The following ELMO2 variants were observed in gnomAD, a reference collection of about 807,000 sequenced individuals.
The protein encoded by ELMO2 is engulfment and cell motility protein 2.
Under a neutral mutation model 96.2 loss-of-function variants are expected in ELMO2, and 37 were observed. The ratio of observed to expected loss-of-function variants is 0.38; its 90% CI spans 0.30 to 0.51. The LOEUF is 0.51. ELMO2 is among the 20% of genes least tolerant of loss of function. ELMO2 has a pLI of 0.88. For synonymous variants in ELMO2, 315 were observed against 329.4 expected, an observed-to-expected ratio of 0.96 and a Z score of 0.47; for missense variants, 561 against 912.6, an observed-to-expected ratio of 0.61 and a Z score of 4.96.
intron 7 of ELMO2, among the ~76,000 whole-genome samples, chr20:46,388,509 CT>C (rs1402795265): frequency 4.6e-5 from 7 of 152,134 alleles, no homozygotes; most frequent in African/African-American, 1.7e-4. Flanking sequence ...TCACAAAGTT[CT>C]GGTCTCCTCC....
At position 46,374,373 on chromosome 20, in the gene ELMO2, AG is replaced by A. The variant is rs755207825; in HGVS notation, c.1237del (p.Leu413SerfsTer44). ...CAGGATTTCACAGAGCATTTTGGTG[AG>A]CTCAATGGCACTGCGGCCAAAGGGG... ...ECPFGRSAIELTKMLCEILQV... is the reference protein window; with the variant it reads ...ECPFGRSAIEXTKMLCEILQV... On this transcript the variant is annotated frameshift_variant, in exon 15 of 22. Coordinates refer to ENST00000290246, the MANE Select transcript of ELMO2 (RefSeq NM_133171.5). LOFTEE classifies it high-confidence loss of function. The A allele has an allele frequency of 6.2e-7, 1 of 1,614,124 alleles. No homozygotes were observed. The highest frequency in any genetic ancestry group is 8.5e-7 in the Non-Finnish European group (1 of 1,180,008).
chr20:46,381,784 GTCGATTGTCTAAACCTTT>G (rs1568764150), intron 10 of ELMO2, among the ~76,000 whole-genome samples: 1 of 152,180 alleles, frequency 6.6e-6, no homozygotes, highest in African/African-American at 2.4e-5. Context: ...ATTCCCTTTT[GTCGATTGTCTAAACCTTT>G]TCGGATTCCC....
chr20:46,394,815 A>G (rs1242208799), intron 2 of ELMO2, among the ~76,000 whole-genome samples: 1 of 152,254 alleles, frequency 6.6e-6, no homozygotes, highest in East Asian at 1.9e-4. Context: ...ACTCAGTGGT[A>G]GAGGAATGTA....
rs2059659420 is a variant in ELMO2, at chr20:46,369,809, G to T, written c.1884+634C>A. ...ACGGGGAAACAATCAGCAAAATTCA[G>T]ATGCTAGGAAACTACCAAACAAGCA... On this transcript the variant is annotated intron_variant, in intron 20 of 21. Coordinates refer to ENST00000290246, the MANE Select transcript of ELMO2 (RefSeq NM_133171.5). 3 of 185,174 alleles carry T rather than the reference G, an allele frequency of 1.6e-5. No homozygotes were observed. In the South Asian group the frequency reaches 2.7e-4, roughly 17 times the overall value. 11.5% of individuals were successfully genotyped at this position (185,174 alleles called of 1,614,324 possible).
intron 11 of ELMO2, 137 bp downstream of exon 11, chr20:46,380,116 C>G: frequency 1.4e-6 from 1 of 719,390 alleles, no homozygotes. Flanking sequence ...CTATTCAGTT[C>G]AAGAGGTATT....
In ELMO2 at chr20:46,387,383, AT is replaced by A; in HGVS notation, c.479del (p.His160LeufsTer21). On this transcript the variant is annotated frameshift_variant, in exon 8 of 22. Coordinates refer to ENST00000290246, the MANE Select transcript of ELMO2 (RefSeq NM_133171.5). LOFTEE classifies it high-confidence loss of function. ...TLTAFLELMD[H>X]GIVSWDMVSI... The stretch of plus-strand genomic sequence containing the variant: ...AAACCATGTCCCAGGAGACAATGCC[AT>A]GGTCCATGAGCTCTAGGAAGGCAGT... 1 of 1,614,134 alleles carries A rather than the reference AT, an allele frequency of 6.2e-7. No homozygotes were observed. Among genetic ancestry groups the A allele is most frequent in the Non-Finnish European group, 8.5e-7 (1 of 1,179,998 alleles).
intron 5 of ELMO2, 25 bp from the exon 6 acceptor site, chr20:46,393,168 A>G (rs759794864): frequency 1.2e-6 from 2 of 1,610,076 alleles, no homozygotes; most frequent in Admixed American, 1.7e-5. Flanking sequence ...ATAAACAAAA[A>G]AAGTAACTAA....
chr20:46,392,641 C>T (rs2060172596), intron 6 of ELMO2, among the ~76,000 whole-genome samples: 1 of 152,226 alleles, frequency 6.6e-6, no homozygotes, highest in Non-Finnish European at 1.5e-5. Context: ...CTGCTACAAG[C>T]CTCCAGCCAC....
At chr20:46,373,664 C>G (rs543962709) in intron 15 of ELMO2, 129 bp from the exon 16 acceptor site, 10 of 1,180,920 alleles carry the variant, frequency 8.5e-6, no homozygotes, top group Non-Finnish European at 1.2e-5. Context: ...TAACAGGGAG[C>G]GTGGGATGGG....
chr20:46,394,646 C>A (rs1396794482), intron 2 of ELMO2, 114 bp from the exon 3 acceptor site: 14 of 774,598 alleles, frequency 1.8e-5, no homozygotes. Flanking sequence ...CATGAAACTA[C>A]CTGGTTTGAA....
At position 46,375,888 on chromosome 20, in the gene ELMO2, A is replaced by G; in HGVS notation, c.808-98T>C. On this transcript the variant is annotated intron_variant, in intron 11 of 21. Transcript: ENST00000290246. This position sits in a 1 kb window ranked among gnomAD's most constrained non-coding sequence, Gnocchi z 4.6. ...GAAAAGGAATGTATGTTGGGAAGGG[A>G]ACAGAGCTTTCCTCCCACACACGAG... 1 of 1,504,524 alleles carries G rather than the reference A, an allele frequency of 6.6e-7. No homozygotes were observed. Among genetic ancestry groups the G allele is most frequent in the South Asian group, 1.2e-5 (1 of 81,660 alleles). The allele number at this position is 1,504,524 out of a possible 1,614,324, so 93.2% of individuals were successfully genotyped here.
chr20:46,394,261 A>C (rs2060206923), intron 3 of ELMO2, 144 bp downstream of exon 3: 1 of 1,127,034 alleles, frequency 8.9e-7, no homozygotes, highest in Admixed American at 2.0e-5. Context: ...GACCTTCCCT[A>C]GGGTGGGCCA....
At chr20:46,374,226 A>G (rs2059802495) in intron 15 of ELMO2, 106 bp downstream of exon 15, 1 of 859,022 alleles carries the variant, frequency 1.2e-6, no homozygotes, top group Non-Finnish European at 1.9e-6. Context: ...ACAGGTGTGA[A>G]CCACCACGCC....
chr20:46,391,725 C>G (rs746831713), intron 6 of ELMO2, among the ~76,000 whole-genome samples: 2 of 152,126 alleles, frequency 1.3e-5, no homozygotes, highest in Non-Finnish European at 2.9e-5. Context: ...TCCATCTGAA[C>G]ACATTCTTAA....
intron 6 of ELMO2, 113 bp from the exon 7 acceptor site, chr20:46,389,333 T>C: frequency 9.1e-7 from 1 of 1,095,976 alleles, no homozygotes; most frequent in Non-Finnish European, 1.3e-6. Context: ...CAGAACTAGT[T>C]TTTTCACACA....
chr20:46,374,681 C>T, intron 13 of ELMO2, 41 bp from the exon 14 acceptor site: 1 of 1,587,104 alleles, frequency 6.3e-7, no homozygotes, highest in Non-Finnish European at 8.6e-7. Context: ...GCGGCAGTCT[C>T]CGTGTATGCA....
In ELMO2 at chr20:46,390,191, T is replaced by C. The variant is rs2060127552; in HGVS notation, c.244-971A>G. On this transcript the variant is annotated intron_variant, in intron 6 of 21. Coordinates refer to ENST00000290246, the MANE Select transcript of ELMO2 (RefSeq NM_133171.5). ...TAAAATAAAATAAAATTTATAAAAC[T>C]GTTAGACAGCAGAAGAGGTTTCTCT... Among the ~76,000 whole-genome samples, 5 of 152,028 alleles carry C rather than the reference T, an allele frequency of 3.3e-5. No homozygotes were observed. In the South Asian group the frequency reaches 1.0e-3, roughly 32 times the overall value.
At chr20:46,387,862 T>C (rs1367212831) in intron 7 of ELMO2, 2 of 155,326 alleles carry the variant, frequency 1.3e-5, no homozygotes, top group Admixed American at 6.5e-5. Flanking sequence ...CTGTCCACCT[T>C]ACTAACCAAG....
chr20:46,384,870 G>C (rs956944892), intron 9 of ELMO2, among the ~76,000 whole-genome samples: 2 of 151,924 alleles, frequency 1.3e-5, no homozygotes, highest in African/African-American at 4.8e-5. Flanking sequence ...GGGAGGCTGA[G>C]ATGGGGAGGA....
Sources: allele counts gnomAD v4.1 joint callset (sites outside exome capture counted in the v4.1 genomes callset), GRCh38; gene constraint gnomAD v4.1.1; non-coding constraint Gnocchi (gnomAD v3.1); transcripts MANE v1.5; gene names NCBI Gene and HGNC (gene_info 2026-07-23, HGNC 2026-07-21).